NUP155: variants seen among roughly 807,000 people sequenced by gnomAD.
NUP155 encodes the protein nucleoporin 155.
A neutral mutation model predicts 180.4 loss-of-function variants in NUP155; 71 were observed. That is an observed-to-expected ratio of 0.39 (90% CI 0.33 to 0.48). NUP155 has a LOEUF of 0.48. Ranked by LOEUF, NUP155 falls within the 20% of genes least tolerant of loss-of-function variation. The pLI, the probability that NUP155 is intolerant of heterozygous loss-of-function variation, is 0.91. For missense variants in NUP155, 1,553 were observed against 1,648.9 expected (o/e 0.94, Z 1.01); for synonymous variants, 582 against 559.5 (o/e 1.04, Z -0.57).
chr5:37,367,890 T>C (rs1452616349), intron 1 of NUP155, among the ~76,000 whole-genome samples: 1 of 152,032 alleles, frequency 6.6e-6, no homozygotes, highest in Non-Finnish European at 1.5e-5. Context: ...TTCAAGCGAT[T>C]GTCCTGCCTC....
At chr5:37,337,310 T>C (rs1299181748) in intron 12 of NUP155, among the ~76,000 whole-genome samples, 1 of 152,132 alleles carries the variant, frequency 6.6e-6, no homozygotes, top group Non-Finnish European at 1.5e-5. Flanking sequence ...AAGAAAGATG[T>C]TGGCAACTCA....
chr5:37,340,253 C>G lies in NUP155; in HGVS notation c.1246+837G>C, dbSNP rs1745623099. ...CTCAGGAGTTTGAGACGAGCCTAGG[C>G]AACATGGCAAAAGCCTATCTCTACA... On this transcript the variant is annotated intron_variant, in intron 11 of 34. Transcript: ENST00000231498. Among the ~76,000 whole-genome samples the G allele has an allele frequency of 3.3e-5, 5 of 151,902 alleles. No homozygotes were observed. The South Asian group carries it at 1.0e-3, about 32-fold the overall frequency.
At chr5:37,296,989 C>T (rs1742619400) in intron 32 of NUP155, among the ~76,000 whole-genome samples, 1 of 151,976 alleles carries the variant, frequency 6.6e-6, no homozygotes, top group Non-Finnish European at 1.5e-5. Flanking sequence ...CCAGCCTGGC[C>T]AACATGGTGA....
At chr5:37,310,473 A>G (rs1743455645) in intron 23 of NUP155, 79 bp downstream of exon 23, 4 of 1,165,284 alleles carry the variant, frequency 3.4e-6, no homozygotes, top group African/African-American at 1.5e-5. Context: ...CTGAGGTCCT[A>G]TATTAAGTGA....
At position 37,350,210 on chromosome 5, in the gene NUP155, G is replaced by A. The variant is rs749533324; in HGVS notation, c.779C>T (p.Ser260Leu). ...CAAGGAAGGAACAAGGAAAGAAAGT[G>A]AGCTCTTTGAGTGGTTTATTTTCCT... ...RCRKINHSKS[S>L]LSFLVPSLLQ... The change falls in exon 7 of 35, where the codon TCA (serine) becomes TTA (leucine). Residue 260 changes from serine to leucine, a missense_variant. Ser to Leu is a moderately radical substitution (Grantham distance 145). Coordinates refer to ENST00000231498, the MANE Select transcript of NUP155 (RefSeq NM_153485.3). 1.2e-6 allele frequency: 2 copies of A among 1,613,938 alleles called. No individual in the cohort carries two copies. Among genetic ancestry groups the A allele is most frequent in the Middle Eastern group, 1.7e-4 (1 of 6,056 alleles).
intron 25 of NUP155, among the ~76,000 whole-genome samples, chr5:37,306,490 C>G (rs1225260413): frequency 1.3e-5 from 2 of 152,172 alleles, no homozygotes; most frequent in African/African-American, 4.8e-5. Flanking sequence ...TGTTCCGAGA[C>G]GGAGCCCTGC....
rs541784549 is a variant in NUP155 at position 37,289,049 on chromosome 5, C to A, written c.*2851G>T. 2.1e-4 allele frequency: 32 copies of A among 155,024 alleles called. No homozygotes were observed. Among genetic ancestry groups the A allele is most frequent in the African/African-American group, 7.5e-4 (31 of 41,582 alleles). 9.6% of individuals were successfully genotyped at this position (155,024 alleles called of 1,614,324 possible). ...TCGTGCCATTGCACTCCAGCCTGGG[C>A]AACAAGAGCAAAACTCAGTCTCATA... is the stretch of plus-strand genomic sequence containing the variant. On this transcript the variant is annotated 3_prime_UTR_variant, in exon 35 of 35. Coordinates refer to ENST00000231498, the MANE Select transcript of NUP155 (RefSeq NM_153485.3).
chr5:37,348,704 G>A (rs1225415476), intron 8 of NUP155, 108 bp from the exon 9 acceptor site: 4 of 747,852 alleles, frequency 5.3e-6, no homozygotes, highest in Non-Finnish European at 9.5e-6. Context: ...ATACAAACAT[G>A]AAAACATTCA....
At chr5:37,356,226 T>C (rs1478512372) in intron 4 of NUP155, among the ~76,000 whole-genome samples, 1 of 109,278 alleles carries the variant, frequency 9.2e-6, no homozygotes, top group Non-Finnish European at 1.9e-5. Context: ...CAAAATTCCA[T>C]CTCAAAAAAA....
intron 20 of NUP155, among the ~76,000 whole-genome samples, chr5:37,321,669 A>G (rs796980960): frequency 6.6e-5 from 10 of 152,078 alleles, no homozygotes; most frequent in Admixed American, 2.6e-4. Flanking sequence ...GTGAGCTGAG[A>G]TTGCACCACT....
At chr5:37,293,177 TAAC>T (rs761508126) in intron 33 of NUP155, 192 bp from the exon 34 acceptor site, 9 of 545,154 alleles carry the variant, frequency 1.7e-5, no homozygotes, top group Non-Finnish European at 3.0e-5. Flanking sequence ...ACTTATTAAT[TAAC>T]AACACTATGA....
chr5:37,363,887 C>T lies in NUP155; in HGVS notation c.392+1G>A. 6.2e-7 allele frequency: 1 copy of T among 1,600,524 alleles called. No individual in the cohort carries two copies. Among genetic ancestry groups the T allele is most frequent in the Non-Finnish European group, 8.6e-7 (1 of 1,167,682 alleles). ...AAAGCAAACCAGCCTTAAATACATACCCATCCTCATAGTTCCACATGAATA... is the reference window on the plus strand; with the variant it reads ...AAAGCAAACCAGCCTTAAATACATATCCATCCTCATAGTTCCACATGAATA... On this transcript the variant is annotated splice_donor_variant, in intron 3 of 34. Transcript: ENST00000231498. LOFTEE classifies it high-confidence loss of function.
rs1024657233 is a variant in NUP155, at chr5:37,357,768, C to T, written c.463+313G>A. 5.1e-4 allele frequency among the ~76,000 whole-genome samples: 78 copies of T among 151,774 alleles called. No individual in the cohort carries two copies. In the East Asian group the frequency reaches 6.6e-3, roughly 13 times the overall value. On this transcript the variant is annotated intron_variant, in intron 4 of 34. Transcript: ENST00000231498. ...CAGCACTTTGGGAGGCTGAGGCGGG[C>T]GGATCACCTGAGGTCAGGAGTTGAG...
Position 37,309,195 on chromosome 5 carries a change from A to G in NUP155, c.2701T>C (p.Leu901=). The change falls in exon 24 of 35, where the codon TTA becomes CTA. Residue 901 remains leucine, a synonymous_variant. Transcript: ENST00000231498. ...TEKERMLRES[L]KEYQKISNQV... ...TTGCTAATTTTTTGATATTCCTTTA[A>G]TGATTCCCTTAACATTCTTTCTTTT... The G allele has an allele frequency of 1.2e-6, 2 of 1,613,562 alleles. No individual in the cohort carries two copies. The highest frequency in any genetic ancestry group is 1.7e-6 in the Non-Finnish European group (2 of 1,179,684).
At chr5:37,339,507 A>G (rs947755848) in intron 11 of NUP155, among the ~76,000 whole-genome samples, 3 of 152,040 alleles carry the variant, frequency 2.0e-5, no homozygotes, top group Non-Finnish European at 2.9e-5. Context: ...ACATGCCTGT[A>G]GTCCCAACTC....
At chr5:37,344,335 C>CT (rs1421352209) in intron 9 of NUP155, among the ~76,000 whole-genome samples, 7 of 139,636 alleles carry the variant, frequency 5.0e-5, no homozygotes, top group Non-Finnish European at 1.1e-4. Context: ...GAGCAAAACT[C>CT]TGTCTCAAAG....
intron 3 of NUP155, among the ~76,000 whole-genome samples, chr5:37,358,567 T>C (rs73068442): frequency 0.026 from 3,979 of 152,318 alleles, 164 homozygotes; most frequent in African/African-American, 0.091. Context: ...TCACCCAGGC[T>C]GAAGTGCAGT....
In NUP155 at chr5:37,350,229, T is replaced by C. The variant is rs772926634; in HGVS notation, c.760A>G (p.Ile254Val). The C allele has an allele frequency of 3.7e-6, 6 of 1,613,774 alleles. No individual in the cohort carries two copies. Among genetic ancestry groups the C allele is most frequent in the East Asian group, 2.2e-5 (1 of 44,826 alleles). ...AGWFSQRCRK[I>V]NHSKSSLSFL... Reference sequence around the variant, plus strand: ...GAAAGTGAGCTCTTTGAGTGGTTTATTTTCCTACATCTTTGGCTAAACCAC... The same window carrying C: ...GAAAGTGAGCTCTTTGAGTGGTTTACTTTCCTACATCTTTGGCTAAACCAC... Residue 254 changes from isoleucine to valine, a missense_variant, in exon 7 of 35, where the codon ATA (isoleucine) becomes GTA (valine). Coordinates refer to ENST00000231498, the MANE Select transcript of NUP155 (RefSeq NM_153485.3).
chr5:37,312,283 G>T (rs1321641705), intron 22 of NUP155, among the ~76,000 whole-genome samples: 1 of 151,820 alleles, frequency 6.6e-6, no homozygotes, highest in East Asian at 1.9e-4. Flanking sequence ...CTCAAAAAAG[G>T]ACCTGAACTG....
Sources: allele counts gnomAD v4.1 joint callset (sites outside exome capture counted in the v4.1 genomes callset), GRCh38; gene constraint gnomAD v4.1.1; transcripts MANE v1.5; gene names NCBI Gene and HGNC (gene_info 2026-07-23, HGNC 2026-07-21).